The following NETO1 variants were observed in gnomAD, a reference collection of about 807,000 sequenced individuals.
NETO1 encodes the protein neuropilin and tolloid-like protein 1.
A neutral mutation model predicts 61.3 loss-of-function variants in NETO1; 26 were observed. That is an observed-to-expected ratio of 0.42 (90% CI 0.31 to 0.59). NETO1 has a LOEUF of 0.59. NETO1 is among the 20% of genes least tolerant of loss of function. The probability of loss-of-function intolerance (pLI) is 0.12; values close to 1 mark genes in which losing one functional copy is unlikely to be tolerated. For synonymous variants in NETO1, 225 were observed against 225.8 expected (o/e 1.00, Z 0.03); for missense variants, 531 against 662.8 (o/e 0.80, Z 2.18).
At chr18:72,860,198 C>T (rs1011823204) in intron 3 of NETO1, among the ~76,000 whole-genome samples, 4 of 152,162 alleles carry the variant, frequency 2.6e-5, no homozygotes, top group Non-Finnish European at 5.9e-5. Context: ...GGTTAGTAAA[C>T]AGCTGTTGCC....
intron 8 of NETO1, among the ~76,000 whole-genome samples, chr18:72,754,960 A>G (rs750665316): frequency 2.0e-5 from 3 of 152,220 alleles, no homozygotes; most frequent in Non-Finnish European, 2.9e-5. Context: ...CATAACCTCC[A>G]TAAACTAGAA....
intron 4 of NETO1, among the ~76,000 whole-genome samples, chr18:72,814,551 C>T (rs994139226): frequency 6.6e-6 from 1 of 151,906 alleles, no homozygotes; most frequent in Non-Finnish European, 1.5e-5. Context: ...GATATATGAA[C>T]TAAACACAAT....
At chr18:72,782,592 G>T (rs2071780914) in intron 7 of NETO1, among the ~76,000 whole-genome samples, 1 of 152,024 alleles carries the variant, frequency 6.6e-6, no homozygotes, top group South Asian at 2.1e-4. Flanking sequence ...ATCACCTGAG[G>T]TCAGGAGTTT....
At chr18:72,802,482 C>T (rs2072540881) in intron 4 of NETO1, among the ~76,000 whole-genome samples, 2 of 152,154 alleles carry the variant, frequency 1.3e-5, no homozygotes, top group Admixed American at 6.5e-5. Context: ...AAAAAATGAA[C>T]GGATGTACAA....
chr18:72,864,434 T>C (rs1319887575), intron 3 of NETO1, among the ~76,000 whole-genome samples: 2 of 152,228 alleles, frequency 1.3e-5, no homozygotes, highest in Admixed American at 6.5e-5. Flanking sequence ...AAATGTAACA[T>C]GCAAGTTATT....
At chr18:72,777,936 G>A (rs957558133) in intron 7 of NETO1, among the ~76,000 whole-genome samples, 16 of 152,062 alleles carry the variant, frequency 1.1e-4, no homozygotes, top group African/African-American at 3.9e-4. Context: ...CATTGTTAGT[G>A]GGGGCTCTCT....
chr18:72,820,146 G>C (rs1033669513), intron 4 of NETO1, among the ~76,000 whole-genome samples: 6 of 152,044 alleles, frequency 3.9e-5, no homozygotes, highest in Non-Finnish European at 8.8e-5. Context: ...ATTTTAAAAT[G>C]GTCTTTTGAC....
At chr18:72,827,646 G>A (rs1365752050) in intron 4 of NETO1, among the ~76,000 whole-genome samples, 1 of 150,736 alleles carries the variant, frequency 6.6e-6, no homozygotes, top group Non-Finnish European at 1.5e-5. Flanking sequence ...AGACTCAGAG[G>A]TCGAGACTGC....
downstream of NETO1, among the ~76,000 whole-genome samples, chr18:72,743,065 C>T (rs185342960): frequency 5.5e-4 from 84 of 152,308 alleles, no homozygotes; most frequent in African/African-American, 1.9e-3. Flanking sequence ...CTGTCAGAGG[C>T]TTCTACTGAA....
At chr18:72,864,213 G>A (rs553638257) in intron 3 of NETO1, among the ~76,000 whole-genome samples, 33 of 152,130 alleles carry the variant, frequency 2.2e-4, no homozygotes, top group African/African-American at 7.7e-4. Context: ...AACGTTCAAA[G>A]AGAAGTCTCT....
chr18:72,847,539 C>T (rs1479978347), intron 4 of NETO1, among the ~76,000 whole-genome samples: 1 of 152,224 alleles, frequency 6.6e-6, no homozygotes, highest in Non-Finnish European at 1.5e-5. Context: ...AAAAACACCA[C>T]TGTCCCATGC....
rs573895946 is a variant in NETO1, at chr18:72,783,712, G to A, written c.834C>T (p.Ser278=). The A allele has an allele frequency of 1.8e-5, 29 of 1,613,966 alleles. No homozygotes were observed. In the South Asian group the frequency reaches 2.3e-4, roughly 13 times the overall value. ...RMWADEGSRN[S]RFQMLFTSFQ... ...AGGATGTGAAGAGCATCTGAAATCG[G>A]CTGTTTCGACTGCCCTCATCTGCCC... The change falls in exon 7 of 11, where the codon AGC becomes AGT. Residue 278 remains serine (S), a synonymous_variant. Transcript: ENST00000327305.
rs1164820050 is a variant in NETO1, at chr18:72,834,687, G to T, written c.469+24139C>A. The T allele has an allele frequency of 4.1e-6, 4 of 984,626 alleles. No homozygotes were observed. The South Asian group carries it at 1.9e-4, about 46-fold the overall frequency. The allele number at this position is 984,626 out of a possible 1,614,324, so 61.0% of individuals were successfully genotyped here. On this transcript the variant is annotated intron_variant, in intron 4 of 10. Transcript: ENST00000327305. ...CTTCAGTCATCTTCAACTTTCTCTC[G>T]GAATGGGCGAATAATAATACGCTCT...
chr18:72,862,625 T>TC (rs1461093876), intron 3 of NETO1, among the ~76,000 whole-genome samples: 1 of 147,582 alleles, frequency 6.8e-6, no homozygotes, highest in Non-Finnish European at 1.5e-5. Flanking sequence ...TTTTTTTCTT[T>TC]TTTTTTTTTT....
chr18:72,823,686 A>G (rs1568229584), intron 4 of NETO1, among the ~76,000 whole-genome samples: 2 of 152,290 alleles, frequency 1.3e-5, no homozygotes, highest in East Asian at 3.9e-4. Context: ...CATGTTCTTT[A>G]TGTTTTTCAA....
Position 72,750,063 on chromosome 18 carries a change from G to A in NETO1, c.1540C>T (p.Arg514Trp), listed in dbSNP as rs778182466. Residue 514 changes from arginine to tryptophan, a missense_variant and splice_region_variant, in exon 9 of 11, where the codon CGG (arginine) becomes TGG (tryptophan). Physicochemically the swap from Arg to Trp is moderately radical, Grantham distance 101. Transcript: ENST00000327305. ...ATCAAAAAATCTATTGATACTGACC[G>A]CTGGACGGCTTTATCGTGTCTGGAC... is the stretch of plus-strand genomic sequence containing the variant. Reference protein sequence around the residue: ...RLSRHDKAVQRFCLIGSLSKH... With the variant: ...RLSRHDKAVQWFCLIGSLSKH... 1.3e-6 allele frequency: 2 copies of A among 1,569,072 alleles called. No individual in the cohort carries two copies. Among genetic ancestry groups the A allele is most frequent in the Non-Finnish European group, 1.7e-6 (2 of 1,157,042 alleles).
At chr18:72,771,656 T>C (rs973343271) in intron 7 of NETO1, among the ~76,000 whole-genome samples, 6 of 152,198 alleles carry the variant, frequency 3.9e-5, no homozygotes, top group African/African-American at 1.4e-4. Context: ...AGTGATTGTT[T>C]CCTACAATTA....
chr18:72,866,769 C>A, intron 1 of NETO1: 2 of 992,430 alleles, frequency 2.0e-6, no homozygotes, highest in South Asian at 4.7e-5. Flanking sequence ...TCAGCGGTCT[C>A]CAGGGCGGAA....
intron 7 of NETO1, among the ~76,000 whole-genome samples, chr18:72,776,737 A>G (rs1287745145): frequency 6.6e-6 from 1 of 152,046 alleles, no homozygotes; most frequent in Non-Finnish European, 1.5e-5. Flanking sequence ...TAACATCATC[A>G]CCTTCGGTAG....
Sources: gnomAD v4.1 joint callset for allele counts (sites outside exome capture counted in the v4.1 genomes callset) on GRCh38, gnomAD v4.1.1 for gene constraint, MANE v1.5 for transcripts, NCBI Gene and HGNC (gene_info 2026-07-23, HGNC 2026-07-21) for gene names.